Variants in TLDC2 observed in about 807,000 individuals in gnomAD.
TLDC2 encodes TBC/LysM-associated domain containing 2.
In TLDC2, 23 loss-of-function variants were observed where a neutral mutation model predicts 27.9. That is an observed-to-expected ratio of 0.82 (90% CI 0.59 to 1.17). The LOEUF is 1.17. Among genes scored for constraint, TLDC2 ranks in the 50% most tolerant of loss-of-function variants. The probability of loss-of-function intolerance (pLI) is 0.00; values close to 1 mark genes in which losing one functional copy is unlikely to be tolerated. For synonymous variants in TLDC2, 124 were observed against 107.4 expected, an observed-to-expected ratio of 1.16 and a Z score of -0.96; for missense variants, 286 against 273.4, an observed-to-expected ratio of 1.05 and a Z score of -0.32.
intron 5 of TLDC2, among the ~76,000 whole-genome samples, 189 bp downstream of exon 5, chr20:36,887,717 A>C (rs140308466): frequency 6.6e-6 from 1 of 152,262 alleles, no homozygotes; most frequent in African/African-American, 2.4e-5. Flanking sequence ...ATTAAGGAGA[A>C]AGGATGCATG....
intron 5 of TLDC2, among the ~76,000 whole-genome samples, chr20:36,888,122 C>T (rs1246206157): frequency 6.6e-6 from 1 of 152,174 alleles, no homozygotes; most frequent in African/African-American, 2.4e-5. Flanking sequence ...AATTCACTTC[C>T]TGGTTTCAGC....
chr20:36,877,917 A>G lies in TLDC2; in HGVS notation c.52A>G (p.Thr18Ala). Residue 18 changes from threonine (T) to alanine (A), a missense_variant, in exon 2 of 7, where the codon ACC (threonine) becomes GCC (alanine). Thr to Ala is a moderately conservative substitution (Grantham distance 58). Coordinates refer to ENST00000217320, the MANE Select transcript of TLDC2 (RefSeq NM_080628.3). ...YTRLPSQVED[T>A]LSGEEGNEEE... is the part of the protein sequence containing the mutation. ...TTTGCAGCCCAGCCAGGTGGAGGACACCCTGTCTGGGGAGGAGGGTAACGA... is the reference window on the plus strand; with the variant it reads ...TTTGCAGCCCAGCCAGGTGGAGGACGCCCTGTCTGGGGAGGAGGGTAACGA... 6.2e-7 allele frequency: 1 copy of G among 1,613,464 alleles called. No homozygotes were observed. Among genetic ancestry groups the G allele is most frequent in the Non-Finnish European group, 8.5e-7 (1 of 1,179,800 alleles).
rs750147783 is a variant in TLDC2 at position 36,893,020 on chromosome 20, C to A, written c.*176C>A. The A allele has an allele frequency of 6.2e-7, 1 of 1,613,952 alleles. No individual in the cohort carries two copies. Among genetic ancestry groups the A allele is most frequent in the Admixed American group, 1.7e-5 (1 of 59,992 alleles). On this transcript the variant is annotated 3_prime_UTR_variant, in exon 7 of 7. Transcript: ENST00000217320. ...ATTTTGGACTGAAGTACTGTCGTTC[C>A]ATTCCTTTTTTTGAGGTGTTATGAG...
Position 36,879,994 on chromosome 20 carries a change from T to C in TLDC2, c.343-661T>C, listed in dbSNP as rs142229745. Among the ~76,000 whole-genome samples, 416 of 149,102 alleles carry C rather than the reference T, an allele frequency of 2.8e-3. 3 individuals are homozygous for C. Among genetic ancestry groups the C allele is most frequent in the African/African-American group, 9.8e-3 (399 of 40,828 alleles). ...GGGAAGAAGGAGGGGGATTAAGAGA[T>C]GGCTTTACTTTTTTTCTTTTGCTTG... On this transcript the variant is annotated intron_variant, in intron 3 of 6. Transcript: ENST00000217320.
Position 36,893,054 on chromosome 20 carries a change from T to C in TLDC2, c.*210T>C. On this transcript the variant is annotated 3_prime_UTR_variant, in exon 7 of 7. Transcript: ENST00000217320. ...TTTTGAGGTGTTATGAGTGGGGCTA[T>C]AACATCGCCATCCTATTAGGAAGAG... The C allele has an allele frequency of 6.2e-7, 1 of 1,613,562 alleles. No individual in the cohort carries two copies. The highest frequency in any genetic ancestry group is 1.1e-5 in the South Asian group (1 of 91,072).
Position 36,879,209 on chromosome 20 carries a change from G to A in TLDC2, c.342+16G>A, listed in dbSNP as rs1358101562. 11 of 1,607,316 alleles carry A rather than the reference G, an allele frequency of 6.8e-6. No individual in the cohort carries two copies. Among genetic ancestry groups the A allele is most frequent in the African/African-American group, 2.7e-5 (2 of 74,866 alleles). ...GGACGGGCAGGTGAGCTGGGCAGGG[G>A]CACCACCCGAGGCTCTGGGGGCACC... On this transcript the variant is annotated intron_variant, in intron 3 of 6. Transcript: ENST00000217320.
intron 4 of TLDC2, among the ~76,000 whole-genome samples, chr20:36,886,150 T>C (rs536380407): frequency 6.6e-6 from 1 of 152,128 alleles, no homozygotes; most frequent in African/African-American, 2.4e-5. Context: ...TTTTTTAGAG[T>C]TGGGGTCTTG....
chr20:36,892,032 G>A (rs1390804343), intron 6 of TLDC2: 1 of 152,386 alleles, frequency 6.6e-6, no homozygotes, highest in Non-Finnish European at 1.5e-5. Flanking sequence ...GACCGGGGGA[G>A]TGAGTATTCA....
At position 36,878,066 on chromosome 20, in the gene TLDC2, GC is replaced by G. The variant is rs762251447; in HGVS notation, c.189+15del. 1.2e-6 allele frequency: 2 copies of G among 1,606,214 alleles called. No homozygotes were observed. The highest frequency in any genetic ancestry group is 1.7e-6 in the Non-Finnish European group (2 of 1,176,372). On this transcript the variant is annotated intron_variant, in intron 2 of 6. Coordinates refer to ENST00000217320, the MANE Select transcript of TLDC2 (RefSeq NM_080628.3). ...CAGAGATTCGGCAGGTCTGGGCATT[GC>G]CCATGGCACAAGAATTTCAGCCCTA...
intron 4 of TLDC2, among the ~76,000 whole-genome samples, chr20:36,885,236 C>G (rs1193988770): frequency 6.6e-6 from 1 of 152,078 alleles, no homozygotes; most frequent in Non-Finnish European, 1.5e-5. Flanking sequence ...TCCGTTGAGG[C>G]AGAGGTTTTT....
At chr20:36,887,761 G>A (rs528148914) in intron 5 of TLDC2, among the ~76,000 whole-genome samples, 3 of 152,314 alleles carry the variant, frequency 2.0e-5, no homozygotes, top group East Asian at 3.9e-4. Flanking sequence ...GCTGGTGACA[G>A]TTTAGTCTGA....
chr20:36,878,226 TA>T, intron 2 of TLDC2, among the ~76,000 whole-genome samples, 172 bp downstream of exon 2: 1 of 152,208 alleles, frequency 6.6e-6, no homozygotes, highest in Middle Eastern at 3.4e-3. Flanking sequence ...TCCCTTCTTG[TA>T]AAATCATCCA....
rs540917067 is a variant in TLDC2, at chr20:36,883,472, G to A, written c.438+2722G>A. ...ATTTCCAGCTTACCATGTCCCAAAC[G>A]GAGCTCCTGGCTTTCCCGCACAAAG... On this transcript the variant is annotated intron_variant, in intron 4 of 6. Coordinates refer to ENST00000217320, the MANE Select transcript of TLDC2 (RefSeq NM_080628.3). Among the ~76,000 whole-genome samples the A allele has an allele frequency of 6.6e-5, 10 of 152,064 alleles. No individual in the cohort carries two copies. In the South Asian group the frequency reaches 1.7e-3, roughly 25 times the overall value.
intron 1 of TLDC2, 72 bp from the exon 2 acceptor site, chr20:36,877,827 T>C (rs1052115190): frequency 1.3e-6 from 2 of 1,533,782 alleles, no homozygotes; most frequent in African/African-American, 1.4e-5. Context: ...GAGGAGGCTC[T>C]TGGGCTCAGG....
rs1363322101 is a variant in TLDC2, at chr20:36,893,714, A to G, written c.*870A>G. The G allele has an allele frequency of 5.1e-6, 2 of 393,926 alleles. No individual in the cohort carries two copies. Among genetic ancestry groups the G allele is most frequent in the East Asian group, 7.2e-5 (2 of 27,752 alleles). The allele number at this position is 393,926 out of a possible 1,614,324, so 24.4% of individuals were successfully genotyped here. A position where few individuals can be genotyped will look rare whatever the true frequency, so the allele number is the denominator to read the frequency against. On this transcript the variant is annotated 3_prime_UTR_variant, in exon 7 of 7. Coordinates refer to ENST00000217320, the MANE Select transcript of TLDC2 (RefSeq NM_080628.3). ...TGGGTAGATCTTCTTTGGTTACAAG[A>G]TGATGCACGATCTTGGAGAGCCTCT... is the stretch of plus-strand genomic sequence containing the variant.
In TLDC2 at chr20:36,880,736, T is replaced by C. The variant is rs1568748988; in HGVS notation, c.424T>C (p.Ser142Pro). The C allele has an allele frequency of 1.9e-6, 3 of 1,614,076 alleles. No homozygotes were observed. The highest frequency in any genetic ancestry group is 2.5e-6 in the Non-Finnish European group (3 of 1,179,942). The change falls in exon 4 of 7, where the codon TCC (serine) becomes CCC (proline). Residue 142 changes from serine to proline, a missense_variant. Physicochemically the swap from Ser to Pro is moderately conservative, Grantham distance 74. Transcript: ENST00000217320. ...GTGETFLFSF[S>P]PQLKVFKWTG... ...TGGCGAGACATTCCTCTTCTCCTTC[T>C]CCCCACAGCTGAAGGTGATGTTCCC...
chr20:36,880,070 CATATAT>C (rs1186641126), intron 3 of TLDC2, among the ~76,000 whole-genome samples: 1,087 of 73,054 alleles, frequency 0.015, 47 homozygotes, highest in Middle Eastern at 0.048. Flanking sequence ...TATATATATA[CATATAT>C]ATATATATAT....
At chr20:36,881,024 G>A (rs1050891583) in intron 4 of TLDC2, among the ~76,000 whole-genome samples, 2 of 152,218 alleles carry the variant, frequency 1.3e-5, no homozygotes, top group African/African-American at 4.8e-5. Context: ...AGACAAGATG[G>A]TCCAAAGTAG....
At chr20:36,886,112 TTTTTAAG>T (rs1989915362) in intron 4 of TLDC2, among the ~76,000 whole-genome samples, 1 of 152,180 alleles carries the variant, frequency 6.6e-6, no homozygotes, top group African/African-American at 2.4e-5. Context: ...CTGGCTGCAC[TTTTTAAG>T]TTTTGACAGT....
Sources: gnomAD v4.1 joint callset for allele counts (sites outside exome capture counted in the v4.1 genomes callset) on GRCh38, gnomAD v4.1.1 for gene constraint, MANE v1.5 for transcripts, NCBI Gene and HGNC (gene_info 2026-07-23, HGNC 2026-07-21) for gene names.